KIF13A: variants seen among roughly 807,000 people sequenced by gnomAD.
KIF13A encodes kinesin family member 13A.
Under a neutral mutation model 212.2 loss-of-function variants are expected in KIF13A, and 79 were observed. That is an observed-to-expected ratio of 0.37 (90% CI 0.31 to 0.45). The LOEUF (loss-of-function observed/expected upper bound fraction) is 0.45. KIF13A is among the 20% of genes least tolerant of loss of function. The pLI, the probability that KIF13A is intolerant of heterozygous loss-of-function variation, is 1.00. For synonymous variants in KIF13A, 789 were observed against 808.6 expected, an observed-to-expected ratio of 0.98 and a Z score of 0.41; for missense variants, 1,901 against 2,209.0, an observed-to-expected ratio of 0.86 and a Z score of 2.79.
rs908446725 is a variant in KIF13A, at chr6:17,947,390, A to C, written c.146+39664T>G. On this transcript the variant is annotated intron_variant, in intron 2 of 38. Transcript: ENST00000259711. This position sits in a 1 kb window ranked among gnomAD's most constrained non-coding sequence, Gnocchi z 4.6. ...ATACTTCTATTTTTAAAAGATCAAC[A>C]TAAGGAGAATAAACTTATTTTAGCA... is the stretch of plus-strand genomic sequence containing the variant. Among the ~76,000 whole-genome samples, 1 of 152,246 alleles carries C rather than the reference A, an allele frequency of 6.6e-6. No homozygotes were observed. Among genetic ancestry groups the C allele is most frequent in the African/African-American group, 2.4e-5 (1 of 41,472 alleles).
chr6:17,847,438 G>T (rs1296072558), intron 9 of KIF13A, among the ~76,000 whole-genome samples: 1 of 152,200 alleles, frequency 6.6e-6, no homozygotes, highest in African/African-American at 2.4e-5. Flanking sequence ...GTCTTTCCCT[G>T]TGAGTACGGC....
Position 17,834,168 on chromosome 6 carries a change from T to A in KIF13A, c.1156-97A>T. On this transcript the variant is annotated intron_variant, in intron 11 of 38. Coordinates refer to ENST00000259711, the MANE Select transcript of KIF13A (RefSeq NM_022113.6). The surrounding 1 kb of genome is among the most constrained non-coding windows in gnomAD (Gnocchi z 4.0). Reference sequence around the variant, plus strand: ...GTCCCTCTTAAGCAGTTATCAATAGTCTGTTGGAAAAAATTAAGTTATATG... The same window carrying A: ...GTCCCTCTTAAGCAGTTATCAATAGACTGTTGGAAAAAATTAAGTTATATG... The A allele has an allele frequency of 1.4e-6, 1 of 725,116 alleles. No homozygotes were observed. Among genetic ancestry groups the A allele is most frequent in the Non-Finnish European group, 2.2e-6 (1 of 456,810 alleles). The allele number at this position is 725,116 out of a possible 1,614,324, so 44.9% of individuals were successfully genotyped here.
At position 17,831,150 on chromosome 6, in the gene KIF13A, T is replaced by C. The variant is rs1765411401; in HGVS notation, c.1352A>G (p.Asn451Ser). ...GTTAAGAGCAGGGTCTGCATTCAGA[T>C]TGACTAAGTAGCATTTGTCATCCCC... ...KVGDDKCYLVNLNADPALNEL... is the reference protein window; with the variant it reads ...KVGDDKCYLVSLNADPALNEL... The change falls in exon 13 of 39, where the codon AAT (asparagine) becomes AGT (serine). Residue 451 changes from asparagine to serine, a missense_variant. Around this residue, in one of 5 missense-constraint regions of KIF13A, gnomAD observed 506 missense variants for 637.4 expected, o/e 0.79. Coordinates refer to ENST00000259711, the MANE Select transcript of KIF13A (RefSeq NM_022113.6). 5 of 1,613,906 alleles carry C rather than the reference T, an allele frequency of 3.1e-6. No homozygotes were observed. Among genetic ancestry groups the C allele is most frequent in the Non-Finnish European group, 3.4e-6 (4 of 1,179,808 alleles).
chr6:17,870,400 G>A (rs1769890164), intron 4 of KIF13A, among the ~76,000 whole-genome samples: 2 of 151,802 alleles, frequency 1.3e-5, no homozygotes, highest in South Asian at 4.2e-4. Context: ...CAGAAATCTT[G>A]AGTTTCACAA....
intron 3 of KIF13A, among the ~76,000 whole-genome samples, chr6:17,885,854 T>C (rs1457342534): frequency 1.3e-5 from 2 of 152,200 alleles, no homozygotes; most frequent in Non-Finnish European, 2.9e-5. Flanking sequence ...TATCATTCAT[T>C]TTCAAAATCC....
At position 17,967,854 on chromosome 6, in the gene KIF13A, A is replaced by T. The variant is rs1252056904; in HGVS notation, c.146+19200T>A. Among the ~76,000 whole-genome samples the T allele has an allele frequency of 6.6e-6, 1 of 152,236 alleles. No homozygotes were observed. Among genetic ancestry groups the T allele is most frequent in the African/African-American group, 2.4e-5 (1 of 41,462 alleles). ...TAACTTGTTAATAAGGTGCTCATTA[A>T]GTAAGTCTGTAAAAGCTTACTTAAT... On this transcript the variant is annotated intron_variant, in intron 2 of 38. Transcript: ENST00000259711. This position sits in a 1 kb window ranked among gnomAD's most constrained non-coding sequence, Gnocchi z 4.1.
At chr6:17,846,931 C>T (rs1021371553) in intron 9 of KIF13A, among the ~76,000 whole-genome samples, 2 of 152,214 alleles carry the variant, frequency 1.3e-5, no homozygotes, top group Admixed American at 1.3e-4. Context: ...CCAAAATCCA[C>T]ACTTAGAACT....
rs186523117 is a variant in KIF13A at position 17,985,035 on chromosome 6, T to C, written c.146+2019A>G. Among the ~76,000 whole-genome samples, 9 of 152,320 alleles carry C rather than the reference T, an allele frequency of 5.9e-5. No homozygotes were observed. The East Asian group carries it at 1.5e-3, about 26-fold the overall frequency. The stretch of plus-strand genomic sequence containing the variant: ...ATAATGAAAATAAAAATGCATTTGG[T>C]GTCTTCATCTGTGCAAAGACAGTAA... On this transcript the variant is annotated intron_variant, in intron 2 of 38. Transcript: ENST00000259711.
Position 17,961,877 on chromosome 6 carries a change from G to A in KIF13A, c.146+25177C>T, listed in dbSNP as rs563790549. On this transcript the variant is annotated intron_variant, in intron 2 of 38. Coordinates refer to ENST00000259711, the MANE Select transcript of KIF13A (RefSeq NM_022113.6). The surrounding 1 kb of genome is among the most constrained non-coding windows in gnomAD (Gnocchi z 4.1). Reference sequence around the variant, plus strand: ...TGTATTCTAGGGTGCTTAGTGTTTGGTTGGCAACATTGTCTATTTTCCACA... The same window carrying A: ...TGTATTCTAGGGTGCTTAGTGTTTGATTGGCAACATTGTCTATTTTCCACA... Among the ~76,000 whole-genome samples, 1 of 152,084 alleles carries A rather than the reference G, an allele frequency of 6.6e-6. No homozygotes were observed. The highest frequency in any genetic ancestry group is 1.5e-5 in the Non-Finnish European group (1 of 68,030).
At chr6:17,960,160 A>C (rs982809388) in intron 2 of KIF13A, among the ~76,000 whole-genome samples, 5 of 152,208 alleles carry the variant, frequency 3.3e-5, no homozygotes, top group Non-Finnish European at 7.3e-5. Context: ...CCATGGGGAA[A>C]TTTTAGGAGT....
chr6:17,779,085 T>A lies in KIF13A; in HGVS notation c.3954A>T (p.Ile1318=), dbSNP rs774035377. ...GGAGAGCCAGCGTTTCCCGGTCCTC[T>A]ATCTCCTCAGTTGCCTACGAGGACA... ...VSNIPKATEE[I]EDRETLALLA... Residue 1318 remains isoleucine, a synonymous_variant, in exon 33 of 39, where the codon ATA becomes ATT. Transcript: ENST00000259711. 1 of 1,613,674 alleles carries A rather than the reference T, an allele frequency of 6.2e-7. No homozygotes were observed. The highest frequency in any genetic ancestry group is 8.5e-7 in the Non-Finnish European group (1 of 1,179,804).
chr6:17,909,307 G>T (rs560642473), intron 2 of KIF13A, among the ~76,000 whole-genome samples: 2 of 151,634 alleles, frequency 1.3e-5, no homozygotes, highest in East Asian at 3.9e-4. Flanking sequence ...AGGCCGAGGC[G>T]GGTGGATCAA....
rs1216917611 is a variant in KIF13A at position 17,763,993 on chromosome 6, G to C, written c.*117C>G. ...GCTCTCCGACAGAGACAGCTGTGCA[G>C]GAAGTGAGCCTGCTTCTCTGTGGGC... On this transcript the variant is annotated 3_prime_UTR_variant, in exon 39 of 39. Coordinates refer to ENST00000259711, the MANE Select transcript of KIF13A (RefSeq NM_022113.6). The C allele has an allele frequency of 4.1e-6, 6 of 1,461,296 alleles. No individual in the cohort carries two copies. The highest frequency in any genetic ancestry group is 5.4e-6 in the Non-Finnish European group (6 of 1,106,268). 90.5% of individuals were successfully genotyped at this position (1,461,296 alleles called of 1,614,324 possible).
rs774038439 is a variant in KIF13A, at chr6:17,805,591, C to T, written c.2188G>A (p.Ala730Thr). Residue 730 changes from alanine to threonine, a missense_variant, in exon 19 of 39, where the codon GCT becomes ACT. By Grantham distance (58) the Ala-to-Thr change is moderately conservative. Transcript: ENST00000259711. ...RKRGAIVSEP[A>T]IQVRRKGKST... Reference sequence around the variant, plus strand: ...TTTCCTTTCCTCCTCACTTGGATAGCTGGTTCACTCACTATTGCACCTCTC... The same window carrying T: ...TTTCCTTTCCTCCTCACTTGGATAGTTGGTTCACTCACTATTGCACCTCTC... 3 of 1,610,046 alleles carry T rather than the reference C, an allele frequency of 1.9e-6. No individual in the cohort carries two copies. The South Asian group carries it at 3.3e-5, about 18-fold the overall frequency.
intron 4 of KIF13A, among the ~76,000 whole-genome samples, chr6:17,857,174 A>C (rs1373845933): frequency 6.6e-6 from 1 of 152,134 alleles, no homozygotes; most frequent in Non-Finnish European, 1.5e-5. Context: ...GGAGTCTCTT[A>C]TTATACTATG....
chr6:17,848,237 TATC>T (rs1235222248), intron 9 of KIF13A, among the ~76,000 whole-genome samples: 1 of 152,194 alleles, frequency 6.6e-6, no homozygotes, highest in African/African-American at 2.4e-5. Context: ...CTCAAACACT[TATC>T]ATTTTTTTGT....
intron 2 of KIF13A, among the ~76,000 whole-genome samples, chr6:17,948,192 A>G (rs1165693358): frequency 6.6e-6 from 1 of 152,214 alleles, no homozygotes; most frequent in Admixed American, 6.5e-5. Context: ...TCAGACTAAA[A>G]GATGCTGAAA....
chr6:17,824,759 T>A (rs1253281172), intron 16 of KIF13A, among the ~76,000 whole-genome samples: 2 of 46,626 alleles, frequency 4.3e-5, no homozygotes, highest in Non-Finnish European at 7.6e-5. Context: ...AGACTCCGTC[T>A]CAAAAAAAAA....
At chr6:17,790,382 G>A (rs1761432267) in intron 25 of KIF13A, among the ~76,000 whole-genome samples, 1 of 152,136 alleles carries the variant, frequency 6.6e-6, no homozygotes, top group African/African-American at 2.4e-5. Flanking sequence ...CTCAGCCTGG[G>A]CAACAGAGCA....
Sources: allele counts gnomAD v4.1 joint callset (sites outside exome capture counted in the v4.1 genomes callset), GRCh38; gene constraint gnomAD v4.1.1; regional missense constraint gnomAD v4.1.1; non-coding constraint Gnocchi (gnomAD v3.1); transcripts MANE v1.5; gene names NCBI Gene and HGNC (gene_info 2026-07-23, HGNC 2026-07-21).